RUNX1T1: variants seen among roughly 807,000 people sequenced by gnomAD.
The protein encoded by RUNX1T1 is protein CBFA2T1.
In RUNX1T1, 4 loss-of-function variants were observed where a neutral mutation model predicts 62.8. The ratio of observed to expected loss-of-function variants is 0.06; its 90% CI spans 0.03 to 0.15. The LOEUF (loss-of-function observed/expected upper bound fraction) is 0.15. Ranked by LOEUF, RUNX1T1 falls within the 10% of genes least tolerant of loss-of-function variation. RUNX1T1 has a pLI of 1.00. For synonymous variants in RUNX1T1, 291 were observed against 286.0 expected (o/e 1.02, Z -0.18); for missense variants, 508 against 754.3 (o/e 0.67, Z 3.82).
chr8:92,027,933 T>A (rs1057229476), intron 1 of RUNX1T1, among the ~76,000 whole-genome samples: 2 of 151,998 alleles, frequency 1.3e-5, no homozygotes, highest in Non-Finnish European at 2.9e-5. Flanking sequence ...ACATTTATCT[T>A]ATTTTTGAAT....
intron 1 of RUNX1T1, among the ~76,000 whole-genome samples, chr8:92,051,084 C>T (rs1441218083): frequency 6.6e-6 from 1 of 152,020 alleles, no homozygotes; most frequent in Non-Finnish European, 1.5e-5. Flanking sequence ...TTGTACTTAT[C>T]CCTATCTGAA....
At chr8:92,068,343 G>A (rs1310325521) in intron 2 of RUNX1T1, among the ~76,000 whole-genome samples, 3 of 152,000 alleles carry the variant, frequency 2.0e-5, no homozygotes, top group Non-Finnish European at 4.4e-5. Context: ...TTGACTAATG[G>A]CGAGTTAGTT....
intron 8 of RUNX1T1, among the ~76,000 whole-genome samples, chr8:91,985,009 A>G (rs1317590967): frequency 2.0e-5 from 3 of 152,344 alleles, no homozygotes; most frequent in Admixed American, 2.0e-4. Flanking sequence ...ATAGGAAACT[A>G]CACTGGCTGG....
chr8:91,957,187 A>G (rs972473372), downstream of RUNX1T1: 1 of 215,862 alleles, frequency 4.6e-6, no homozygotes, highest in African/African-American at 2.3e-5. Flanking sequence ...TAGCCTGTAT[A>G]TAAGTGACAA....
intron 1 of RUNX1T1, 180 bp from the exon 3 acceptor site, chr8:92,017,543 T>C (rs746359550): frequency 1.1e-5 from 17 of 1,485,630 alleles, no homozygotes; most frequent in South Asian, 9.5e-5. Context: ...CTTAAGAAGG[T>C]ATAGCACAGA....
intron 1 of RUNX1T1, among the ~76,000 whole-genome samples, chr8:92,060,522 AAT>A (rs61066655): frequency 0.42 from 31,755 of 75,638 alleles, 6,617 homozygotes; most frequent in East Asian, 0.63. Flanking sequence ...TCAACTACCA[AAT>A]ATATATATAT....
chr8:92,094,214 GC>G (rs535439062), intron 1 of RUNX1T1, among the ~76,000 whole-genome samples: 9 of 152,124 alleles, frequency 5.9e-5, no homozygotes, highest in East Asian at 1.9e-4. Flanking sequence ...AAGGAAACAT[GC>G]CCCCCTGGCT....
At chr8:92,070,419 G>A (rs946500389) in intron 2 of RUNX1T1, among the ~76,000 whole-genome samples, 3 of 152,058 alleles carry the variant, frequency 2.0e-5, no homozygotes, top group African/African-American at 7.2e-5. Flanking sequence ...AATGCAGCAG[G>A]CTGATACATA....
Position 92,062,568 on chromosome 8 carries a change from AC to A in RUNX1T1, c.-17del, listed in dbSNP as rs758119007. On this transcript the variant is annotated 5_prime_UTR_variant, in exon 1 of 11. Coordinates refer to ENST00000396218, the Ensembl canonical transcript of RUNX1T1. ...CACCAGGCATCCTTGAATCCAGCGTACCACACAGAAAGTGGCTGTCTCCTAA... is the reference window on the plus strand; with the variant it reads ...CACCAGGCATCCTTGAATCCAGCGTACACACAGAAAGTGGCTGTCTCCTAA... 1.9e-6 allele frequency: 3 copies of A among 1,613,954 alleles called. No individual in the cohort carries two copies. In the African/African-American group the frequency reaches 4.0e-5, roughly 22 times the overall value.
chr8:92,090,049 C>G (rs548449363), intron 1 of RUNX1T1, among the ~76,000 whole-genome samples: 2 of 150,808 alleles, frequency 1.3e-5, no homozygotes, highest in South Asian at 4.2e-4. Flanking sequence ...GCCTAAGAAT[C>G]ACCAAGTCTG....
At chr8:91,997,451 A>G (rs1032363420) in intron 5 of RUNX1T1, among the ~76,000 whole-genome samples, 1 of 152,172 alleles carries the variant, frequency 6.6e-6, no homozygotes. Context: ...GAAGAAACTT[A>G]ATTTCTAATA....
chr8:92,099,203 A>C (rs1224234775), intron 1 of RUNX1T1, among the ~76,000 whole-genome samples: 4 of 152,164 alleles, frequency 2.6e-5, no homozygotes, highest in Non-Finnish European at 1.5e-5. Context: ...AAAAAGAATA[A>C]ATTTTTTTCT....
At chr8:91,989,015 T>C (rs1413464525) in intron 6 of RUNX1T1, among the ~76,000 whole-genome samples, 2 of 152,186 alleles carry the variant, frequency 1.3e-5, no homozygotes, top group East Asian at 3.8e-4. Context: ...CAGAGGGATG[T>C]ACCGGGGGAA....
chr8:92,075,482 T>C (rs1217380912), intron 2 of RUNX1T1, among the ~76,000 whole-genome samples: 1 of 152,226 alleles, frequency 6.6e-6, no homozygotes, highest in Non-Finnish European at 1.5e-5. Flanking sequence ...GGAAGTGACA[T>C]TTGCCTAAAA....
chr8:91,968,821 T>G (rs939995396), intron 10 of RUNX1T1, among the ~76,000 whole-genome samples: 1 of 152,184 alleles, frequency 6.6e-6, no homozygotes, highest in Non-Finnish European at 1.5e-5. Flanking sequence ...TCCTCATCCA[T>G]AGCATGACTC....
chr8:92,003,325 A>T, intron 5 of RUNX1T1: 1 of 456,268 alleles, frequency 2.2e-6, no homozygotes, highest in South Asian at 1.5e-5. Flanking sequence ...AAGGATAGTC[A>T]AAAGTCACAA....
intron 1 of RUNX1T1, among the ~76,000 whole-genome samples, chr8:92,036,775 C>T (rs1396698211): frequency 6.6e-6 from 1 of 152,178 alleles, no homozygotes; most frequent in African/African-American, 2.4e-5. Context: ...CTTATTTGAG[C>T]TGACTCTAGA....
chr8:91,977,851 C>T lies in RUNX1T1; in HGVS notation c.1199-1878G>A, dbSNP rs188173659. 1.6e-4 allele frequency among the ~76,000 whole-genome samples: 25 copies of T among 152,132 alleles called. No individual in the cohort carries two copies. The East Asian group carries it at 2.3e-3, about 14-fold the overall frequency. On this transcript the variant is annotated intron_variant, in intron 8 of 10. Transcript: ENST00000396218. ...TTGCCCAGGCTGGAGTGCAGTGGCACGATCACAGCTCACTGCAACCTGTGC... is the reference window on the plus strand; with the variant it reads ...TTGCCCAGGCTGGAGTGCAGTGGCATGATCACAGCTCACTGCAACCTGTGC...
At chr8:92,032,095 A>G (rs922897760) in intron 1 of RUNX1T1, among the ~76,000 whole-genome samples, 48 of 110,298 alleles carry the variant, frequency 4.4e-4, no homozygotes, top group African/African-American at 1.4e-3. Context: ...TCCTGTCTCA[A>G]AAAAAAAAAA....
Sources: allele counts gnomAD v4.1 joint callset (sites outside exome capture counted in the v4.1 genomes callset), GRCh38; gene constraint gnomAD v4.1.1; transcripts MANE v1.5; gene names NCBI Gene and HGNC (gene_info 2026-07-23, HGNC 2026-07-21).